Variants in RASSF9 observed in about 807,000 individuals in gnomAD.
The protein encoded by RASSF9 is ras association domain-containing protein 9.
In RASSF9, 18 loss-of-function variants were observed where a neutral mutation model predicts 21.4. The observed-to-expected ratio is 0.84, with a 90% CI of 0.58 to 1.25. RASSF9 has a LOEUF of 1.25. Among genes scored for constraint, RASSF9 ranks in the 50% most tolerant of loss-of-function variants. RASSF9 has a pLI of 0.00. For missense variants in RASSF9, 480 were observed against 503.2 expected (o/e 0.95, Z 0.44); for synonymous variants, 183 against 179.1 (o/e 1.02, Z -0.18).
At chr12:85,830,728 C>T (rs945657002) in intron 1 of RASSF9, among the ~76,000 whole-genome samples, 1 of 152,124 alleles carries the variant, frequency 6.6e-6, no homozygotes, top group Non-Finnish European at 1.5e-5. Flanking sequence ...CAGTGCTAAA[C>T]ATCTTCCCAA....
chr12:85,809,300 C>T lies in RASSF9; in HGVS notation c.48-3338G>A, dbSNP rs143250877. Among the ~76,000 whole-genome samples the T allele has an allele frequency of 2.0e-3, 307 of 152,142 alleles. 5 individuals carry two copies. The highest frequency in any genetic ancestry group is 0.017 in the Admixed American group (253 of 15,268). Reference sequence around the variant, plus strand: ...ATATGAACCACTTTTTTAGCAAGAACTTAAATTAGTCTTTGATACCAATGG... The same window carrying T: ...ATATGAACCACTTTTTTAGCAAGAATTTAAATTAGTCTTTGATACCAATGG... On this transcript the variant is annotated intron_variant, in intron 1 of 1. Coordinates refer to ENST00000361228, the MANE Select transcript of RASSF9 (RefSeq NM_005447.4).
intron 1 of RASSF9, among the ~76,000 whole-genome samples, chr12:85,816,403 G>T (rs182217741): frequency 6.6e-6 from 1 of 151,630 alleles, no homozygotes; most frequent in Non-Finnish European, 1.5e-5. Context: ...TTTTCATGCT[G>T]TAGAGGGTAA....
Position 85,805,678 on chromosome 12 carries a change from T to A in RASSF9, c.332A>T (p.Gln111Leu), listed in dbSNP as rs776896887. The A allele has an allele frequency of 1.2e-6, 2 of 1,613,858 alleles. No homozygotes were observed. Among genetic ancestry groups the A allele is most frequent in the Non-Finnish European group, 8.5e-7 (1 of 1,179,890 alleles). The change falls in exon 2 of 2, where the codon CAA becomes CTA. Residue 111 changes from glutamine (Q) to leucine (L), a missense_variant. By Grantham distance (113) the Gln-to-Leu change is moderately radical. Coordinates refer to ENST00000361228, the MANE Select transcript of RASSF9 (RefSeq NM_005447.4). ...KAWGDEQPNM[Q>L]FVLVKADAFL... ...AGCATCTGCTTTAACCAAAACAAAT[T>A]GCATATTGGGCTGCTCATCTCCCCA...
intron 1 of RASSF9, among the ~76,000 whole-genome samples, chr12:85,829,416 C>T (rs545615986): frequency 1.4e-4 from 21 of 151,998 alleles, no homozygotes; most frequent in Admixed American, 2.6e-4. Flanking sequence ...GACTTTCAAC[C>T]GACAATGTTA....
chr12:85,818,875 C>T (rs1377541807), intron 1 of RASSF9, among the ~76,000 whole-genome samples: 1 of 143,162 alleles, frequency 7.0e-6, no homozygotes, highest in Non-Finnish European at 1.5e-5. Flanking sequence ...AGGAGAATGG[C>T]GTGAACCCGG....
intron 1 of RASSF9, among the ~76,000 whole-genome samples, chr12:85,831,959 A>G (rs1428223584): frequency 1.3e-5 from 2 of 151,956 alleles, no homozygotes; most frequent in Non-Finnish European, 2.9e-5. Context: ...CAATTATAAA[A>G]CAATAAAGCT....
chr12:85,801,371 C>T lies in RASSF9; in HGVS notation c.*3331G>A, dbSNP rs1879695857. 6.6e-6 allele frequency: 1 copy of T among 151,750 alleles called. No individual in the cohort carries two copies. The highest frequency in any genetic ancestry group is 1.5e-5 in the Non-Finnish European group (1 of 68,002). 9.4% of individuals were successfully genotyped at this position (151,750 alleles called of 1,614,324 possible). A position where few individuals can be genotyped will look rare whatever the true frequency, so the allele number is the denominator to read the frequency against. On this transcript the variant is annotated 3_prime_UTR_variant, in exon 2 of 2. Transcript: ENST00000361228. The stretch of plus-strand genomic sequence containing the variant: ...TTCATTCATGTACAAAATGTACAAG[C>T]ATCATTTACCATCTATAAAACACAC...
At chr12:85,826,879 A>G (rs983780784) in intron 1 of RASSF9, among the ~76,000 whole-genome samples, 3 of 152,244 alleles carry the variant, frequency 2.0e-5, no homozygotes, top group Non-Finnish European at 2.9e-5. Flanking sequence ...AATTTAAAAA[A>G]TAAAATAATC....
intron 1 of RASSF9, among the ~76,000 whole-genome samples, chr12:85,811,949 T>C (rs1329120823): frequency 6.6e-6 from 1 of 151,768 alleles, no homozygotes; most frequent in African/African-American, 2.4e-5. Flanking sequence ...TACAATGAAA[T>C]ATATGTTCAA....
intron 1 of RASSF9, among the ~76,000 whole-genome samples, chr12:85,826,447 A>ATATTT (rs1365360918): frequency 7.7e-6 from 1 of 130,666 alleles, no homozygotes; most frequent in African/African-American, 2.9e-5. Flanking sequence ...TCCTTCCAAT[A>ATATTT]TTTTTTTTTT....
intron 1 of RASSF9, among the ~76,000 whole-genome samples, chr12:85,814,254 A>G (rs1465594979): frequency 6.6e-6 from 1 of 152,004 alleles, no homozygotes; most frequent in Non-Finnish European, 1.5e-5. Context: ...ACCAAGGGTG[A>G]TTTGCCCCCA....
At chr12:85,820,717 AT>A (rs1371243626) in intron 1 of RASSF9, among the ~76,000 whole-genome samples, 1 of 152,156 alleles carries the variant, frequency 6.6e-6, no homozygotes, top group Admixed American at 6.5e-5. Flanking sequence ...ACATTAAAAA[AT>A]TTTTTTCAGG....
intron 1 of RASSF9, among the ~76,000 whole-genome samples, chr12:85,817,627 T>C (rs1880104552): frequency 1.3e-5 from 2 of 152,138 alleles, no homozygotes; most frequent in South Asian, 4.1e-4. Flanking sequence ...AATTATGGTA[T>C]ATAAATTATT....
chr12:85,822,130 C>T (rs1880225662), intron 1 of RASSF9, among the ~76,000 whole-genome samples: 1 of 152,122 alleles, frequency 6.6e-6, no homozygotes, highest in Non-Finnish European at 1.5e-5. Flanking sequence ...TGATAACTAT[C>T]GTTATTTCAG....
chr12:85,836,103 A>G (rs1880556344), intron 1 of RASSF9, 52 bp downstream of exon 1: 2 of 1,334,446 alleles, frequency 1.5e-6, no homozygotes, highest in Non-Finnish European at 2.0e-6. Flanking sequence ...CACACACAAG[A>G]CACACACACA....
At chr12:85,813,445 AT>A (rs1381463639) in intron 1 of RASSF9, among the ~76,000 whole-genome samples, 5 of 151,812 alleles carry the variant, frequency 3.3e-5, no homozygotes, top group African/African-American at 4.8e-5. Flanking sequence ...CAAGAAATAA[AT>A]TAAGTTTAAA....
At position 85,822,696 on chromosome 12, in the gene RASSF9, T is replaced by C. The variant is rs1034354499; in HGVS notation, c.47+13459A>G. On this transcript the variant is annotated intron_variant, in intron 1 of 1. Coordinates refer to ENST00000361228, the MANE Select transcript of RASSF9 (RefSeq NM_005447.4). Reference sequence around the variant, plus strand: ...CTTTGAATTTTACTGTCGCCACCTCTTCTAGGACTTTGCTTTATAATTCAC... The same window carrying C: ...CTTTGAATTTTACTGTCGCCACCTCCTCTAGGACTTTGCTTTATAATTCAC... Among the ~76,000 whole-genome samples, 3 of 152,200 alleles carry C rather than the reference T, an allele frequency of 2.0e-5. No homozygotes were observed. The South Asian group carries it at 6.2e-4, about 31-fold the overall frequency.
At chr12:85,826,417 C>T (rs1880333319) in intron 1 of RASSF9, among the ~76,000 whole-genome samples, 1 of 151,706 alleles carries the variant, frequency 6.6e-6, no homozygotes, top group Non-Finnish European at 1.5e-5. Context: ...GTACCTGGCC[C>T]ACTCGTATTC....
chr12:85,832,513 C>A (rs182230565), intron 1 of RASSF9, among the ~76,000 whole-genome samples: 4 of 151,872 alleles, frequency 2.6e-5, no homozygotes, highest in African/African-American at 9.6e-5. Flanking sequence ...AATATAAAGA[C>A]AATCACATTC....
Sources: allele counts gnomAD v4.1 joint callset (sites outside exome capture counted in the v4.1 genomes callset), GRCh38; gene constraint gnomAD v4.1.1; transcripts MANE v1.5; gene names NCBI Gene and HGNC (gene_info 2026-07-23, HGNC 2026-07-21).